HSPA12A: variants seen among roughly 807,000 people sequenced by gnomAD.
HSPA12A encodes heat shock protein family A (Hsp70) member 12A, also known as heat shock 70 kDa protein 12A.
A neutral mutation model predicts 69.2 loss-of-function variants in HSPA12A; 28 were observed. The observed-to-expected ratio is 0.40, with a 90% CI of 0.30 to 0.55. The LOEUF is 0.55. Among genes scored for constraint, HSPA12A ranks in the 20% least tolerant of loss-of-function variants. The pLI is 0.38. For missense variants in HSPA12A, 686 were observed against 900.7 expected (o/e 0.76, Z 3.05); for synonymous variants, 345 against 370.5 (o/e 0.93, Z 0.79).
intron 3 of HSPA12A, among the ~76,000 whole-genome samples, chr10:116,702,930 T>G (rs1017407724): frequency 2.6e-5 from 4 of 152,198 alleles, no homozygotes; most frequent in Non-Finnish European, 5.9e-5. Flanking sequence ...CCAAGCAAGT[T>G]CAAAGTTATT....
intron 4 of HSPA12A, among the ~76,000 whole-genome samples, chr10:116,700,625 C>T (rs977400244): frequency 8.5e-5 from 13 of 152,162 alleles, no homozygotes; most frequent in African/African-American, 2.4e-4. Context: ...ACTCCTGGCA[C>T]AGCAGGAGGG....
At position 116,675,471 on chromosome 10, in the gene HSPA12A, G is replaced by A. The variant is rs1450354411; in HGVS notation, c.1391-53C>T. ...CCTGTCACCAAAAGCCAGCAAGGAA[G>A]GGGGAACTGGGCTGCCTGCATCTGT... On this transcript the variant is annotated intron_variant, in intron 11 of 11. Coordinates refer to ENST00000369209, the MANE Select transcript of HSPA12A (RefSeq NM_025015.3). This position sits in a 1 kb window ranked among gnomAD's most constrained non-coding sequence, Gnocchi z 5.2. The A allele has an allele frequency of 2.0e-6, 3 of 1,492,074 alleles. No homozygotes were observed. Among genetic ancestry groups the A allele is most frequent in the African/African-American group, 2.8e-5 (2 of 71,440 alleles). 92.4% of individuals were successfully genotyped at this position (1,492,074 alleles called of 1,614,324 possible). A position where few individuals can be genotyped will look rare whatever the true frequency, so the allele number is the denominator to read the frequency against.
chr10:116,725,886 G>A (rs567687561), intron 1 of HSPA12A, among the ~76,000 whole-genome samples: 1 of 152,192 alleles, frequency 6.6e-6, no homozygotes, highest in African/African-American at 2.4e-5. Context: ...GACCCCAGCT[G>A]CATTCAGCAT....
At chr10:116,705,342 C>A in intron 2 of HSPA12A, 64 bp from the exon 3 acceptor site, 2 of 1,581,350 alleles carry the variant, frequency 1.3e-6, no homozygotes, top group Admixed American at 1.7e-5. Context: ...GGAAGACACC[C>A]CTGGGGGGTC....
intron 1 of HSPA12A, among the ~76,000 whole-genome samples, chr10:116,713,170 T>G (rs1333053463): frequency 1.3e-5 from 2 of 151,070 alleles, no homozygotes; most frequent in Admixed American, 6.6e-5. Flanking sequence ...AGGTCATATG[T>G]AGGTTACTGG....
intron 1 of HSPA12A, among the ~76,000 whole-genome samples, chr10:116,709,120 G>C (rs10749227): frequency 0.27 from 41,813 of 152,078 alleles, 5,975 homozygotes; most frequent in Middle Eastern, 0.4. Flanking sequence ...CACAATAACA[G>C]AAAGGTGGAA....
chr10:116,791,123 C>G (rs1844693091), intron 2 of HSPA12A, among the ~76,000 whole-genome samples: 2 of 152,154 alleles, frequency 1.3e-5, no homozygotes, highest in Non-Finnish European at 2.9e-5. Context: ...GTGCTGTGTC[C>G]CCAACACCCA....
chr10:116,828,882 G>T (rs56164963), intron 2 of HSPA12A: 60 of 152,220 alleles, frequency 3.9e-4, no homozygotes, highest in Non-Finnish European at 6.6e-4. Context: ...TTCCATTCTC[G>T]CAGAAACACC....
In HSPA12A at chr10:116,785,473, G is replaced by A. The variant is rs138374051; in HGVS notation, c.91+49462C>T. Among the ~76,000 whole-genome samples the A allele has an allele frequency of 9.9e-3, 1,501 of 152,168 alleles. 28 individuals are homozygous for A. Among genetic ancestry groups the A allele is most frequent in the African/African-American group, 0.034 (1,421 of 41,518 alleles). ...AGGGCATTGTGACAGAAATGTTCTT[G>A]CCTGACCCCAGCCCCAGGACGGCTG... On this transcript the variant is annotated intron_variant, in intron 2 of 12. Transcript: ENST00000635765.
chr10:116,709,472 G>T (rs1233466647), intron 1 of HSPA12A, among the ~76,000 whole-genome samples: 1 of 151,458 alleles, frequency 6.6e-6, no homozygotes, highest in Non-Finnish European at 1.5e-5. Context: ...AAAGATGAAG[G>T]GATAAACCAA....
intron 2 of HSPA12A, among the ~76,000 whole-genome samples, chr10:116,748,540 T>C (rs1851702014): frequency 1.3e-5 from 2 of 152,170 alleles, no homozygotes; most frequent in African/African-American, 2.4e-5. Flanking sequence ...ACTGGATGTG[T>C]TAGTCCATTT....
intron 1 of HSPA12A, among the ~76,000 whole-genome samples, chr10:116,721,608 C>A (rs1026250551): frequency 6.6e-6 from 1 of 152,156 alleles, no homozygotes. Context: ...CCCGGGTGTG[C>A]GTGACTATAG....
At chr10:116,820,717 C>T (rs1212159029) in intron 2 of HSPA12A, among the ~76,000 whole-genome samples, 1 of 152,116 alleles carries the variant, frequency 6.6e-6, no homozygotes, top group East Asian at 1.9e-4. Context: ...ATCTCTTCCG[C>T]TTTCTTGGTG....
Position 116,723,705 on chromosome 10 carries a change from G to T in HSPA12A, c.41-16420C>A, listed in dbSNP as rs1850857186. Among the ~76,000 whole-genome samples, 1 of 152,170 alleles carries T rather than the reference G, an allele frequency of 6.6e-6. No homozygotes were observed. The highest frequency in any genetic ancestry group is 2.1e-4 in the South Asian group (1 of 4,814). On this transcript the variant is annotated intron_variant, in intron 1 of 11. Transcript: ENST00000369209. This position sits in a 1 kb window ranked among gnomAD's most constrained non-coding sequence, Gnocchi z 4.1. ...GCACACGTGCTGAGGTTTTAAAACT[G>T]AATCTCCAGCCTGAGGACCATGAGG...
At chr10:116,797,127 A>G (rs1277168502) in intron 2 of HSPA12A, among the ~76,000 whole-genome samples, 1 of 152,184 alleles carries the variant, frequency 6.6e-6, no homozygotes, top group Non-Finnish European at 1.5e-5. Flanking sequence ...GGGGAGCTAC[A>G]GGTTTCTCTT....
At chr10:116,770,380 C>G (rs561113529) in intron 2 of HSPA12A, among the ~76,000 whole-genome samples, 1 of 152,198 alleles carries the variant, frequency 6.6e-6, no homozygotes, top group East Asian at 1.9e-4. Flanking sequence ...GCAGAGGCCA[C>G]GCTGTGTGCT....
At chr10:116,737,158 C>T (rs1851342487) in intron 1 of HSPA12A, among the ~76,000 whole-genome samples, 1 of 152,138 alleles carries the variant, frequency 6.6e-6, no homozygotes. Flanking sequence ...GGTCACAGAG[C>T]AGGTCAATGA....
chr10:116,728,699 C>A (rs1429065468), intron 1 of HSPA12A, among the ~76,000 whole-genome samples: 2 of 152,176 alleles, frequency 1.3e-5, no homozygotes, highest in Non-Finnish European at 2.9e-5. Context: ...GAGGTAGACA[C>A]AATTCAAGTC....
rs569112713 is a variant in HSPA12A, at chr10:116,673,277, G to A, written c.*1504C>T. 1.3e-5 allele frequency: 2 copies of A among 152,200 alleles called. No homozygotes were observed. Among genetic ancestry groups the A allele is most frequent in the African/African-American group, 2.4e-5 (1 of 41,528 alleles). 9.4% of individuals were successfully genotyped at this position (152,200 alleles called of 1,614,324 possible). On this transcript the variant is annotated 3_prime_UTR_variant, in exon 12 of 12. Transcript: ENST00000369209. ...TTCCTCAGTCAGCTCCGTTCTTGGT[G>A]TCGCTTTCTTGCAATTTTTTTCCTC...
Sources: gnomAD v4.1 joint callset for allele counts (sites outside exome capture counted in the v4.1 genomes callset) on GRCh38, gnomAD v4.1.1 for gene constraint, Gnocchi (gnomAD v3.1) non-coding constraint, MANE v1.5 for transcripts, NCBI Gene and HGNC (gene_info 2026-07-23, HGNC 2026-07-21) for gene names.